The following COA1 variants were observed in gnomAD, a reference collection of about 807,000 sequenced individuals.
COA1 encodes cytochrome c oxidase assembly factor 1 homolog.
COA1 carries 13 observed loss-of-function variants against 16.0 expected under a neutral mutation model. That is an observed-to-expected ratio of 0.81 (90% CI 0.53 to 1.29). COA1 has a LOEUF of 1.29. Ranked by LOEUF, COA1 falls within the 50% of genes most tolerant of loss-of-function variation. The pLI, the probability that COA1 is intolerant of heterozygous loss-of-function variation, is 0.00. For synonymous variants in COA1, 65 were observed against 65.7 expected, an observed-to-expected ratio of 0.99 and a Z score of 0.05; for missense variants, 179 against 177.0, an observed-to-expected ratio of 1.01 and a Z score of -0.06.
At chr7:43,641,297 C>G (rs1357544294) in intron 4 of COA1, 2 of 105,098 alleles carry the variant, frequency 1.9e-5, no homozygotes, top group South Asian at 6.6e-4. Context: ...GTGCCTTTCA[C>G]AGAATGTAAA....
rs779129137 is a variant in COA1 at position 43,624,615 on chromosome 7, G to C, written c.*133+14834C>G. On this transcript the variant is annotated intron_variant and NMD_transcript_variant, in intron 6 of 6. Coordinates refer to the COA1 transcript ENST00000415076. ...CAGGATGGAAAAGGCACTAGAAGAAGCAAATGCCCTCCAAGAAGGTCATTC... is the reference window on the plus strand; with the variant it reads ...CAGGATGGAAAAGGCACTAGAAGAACCAAATGCCCTCCAAGAAGGTCATTC... The C allele has an allele frequency of 2.5e-6, 4 of 1,613,984 alleles. No individual in the cohort carries two copies. The African/African-American group carries it at 5.3e-5, about 22-fold the overall frequency.
chr7:43,686,350 A>C (rs1188999944), intron 1 of COA1, among the ~76,000 whole-genome samples: 1 of 131,622 alleles, frequency 7.6e-6, no homozygotes, highest in Non-Finnish European at 1.5e-5. Flanking sequence ...TCTGTCGCCC[A>C]GGCGGGAGTG....
intron 6 of COA1, chr7:43,632,533 G>A (rs1486100341): frequency 6.6e-6 from 1 of 152,182 alleles, no homozygotes; most frequent in African/African-American, 2.4e-5. Context: ...AGAACCATCA[G>A]AGAAACCACA....
At position 43,696,899 on chromosome 7, in the gene COA1, C is replaced by T. The variant is rs537839265; in HGVS notation, c.-39+32530G>A. On this transcript the variant is annotated intron_variant, in intron 1 of 5. Transcript: ENST00000223336. The stretch of plus-strand genomic sequence containing the variant: ...CAGCACTTTGGGAAGCCAAGGCAGG[C>T]GGATCACAAGGTCAAGAGATCAAGA... 2.6e-5 allele frequency among the ~76,000 whole-genome samples: 4 copies of T among 151,916 alleles called. No homozygotes were observed. In the South Asian group the frequency reaches 6.2e-4, roughly 24 times the overall value.
intron 1 of COA1, among the ~76,000 whole-genome samples, chr7:43,664,128 A>AGAGAGAGAGAGAGAGAGAGAGT (rs963621045): frequency 6.8e-6 from 1 of 147,934 alleles, no homozygotes; most frequent in Non-Finnish European, 1.5e-5. Context: ...AGAGAGAGAG[A>AGAGAGAGAGAGAGAGAGAGAGT]GAGTCTTGCT....
intron 6 of COA1, among the ~76,000 whole-genome samples, chr7:43,611,785 T>G (rs2082903306): frequency 6.6e-6 from 1 of 152,244 alleles, no homozygotes; most frequent in Admixed American, 6.5e-5. Flanking sequence ...TCTGTTTTAT[T>G]TTTTAATGAT....
At chr7:43,705,296 G>A (rs13222617) in intron 1 of COA1, among the ~76,000 whole-genome samples, 22,213 of 152,248 alleles carry the variant, frequency 0.15, 2,185 homozygotes, top group Non-Finnish European at 0.21. Flanking sequence ...AGAGTGGCAC[G>A]GGGAAGCTGT....
chr7:43,640,479 C>T, intron 5 of COA1, 94 bp downstream of exon 5: 2 of 913,904 alleles, frequency 2.2e-6, no homozygotes, highest in South Asian at 1.5e-5. Flanking sequence ...CCTATGCCCA[C>T]AGTAATTTAA....
intron 1 of COA1, among the ~76,000 whole-genome samples, chr7:43,717,506 C>G (rs2095418954): frequency 6.6e-6 from 1 of 152,200 alleles, no homozygotes; most frequent in South Asian, 2.1e-4. Flanking sequence ...TAAACCCATT[C>G]TATCTAGGGA....
At position 43,699,240 on chromosome 7, in the gene COA1, A is replaced by G. The variant is rs183953716; in HGVS notation, c.-39+30189T>C. ...CAGAAAAAAAACACATATACCCCTC[A>G]GTTAGTGAATTTTACAGAGAGCACA... On this transcript the variant is annotated intron_variant, in intron 1 of 5. Coordinates refer to ENST00000223336, the MANE Select transcript of COA1 (RefSeq NM_018224.4). Among the ~76,000 whole-genome samples, 448 of 152,228 alleles carry G rather than the reference A, an allele frequency of 2.9e-3. 1 individual carries two copies. Among genetic ancestry groups the G allele is most frequent in the African/African-American group, 0.01 (429 of 41,538 alleles).
intron 1 of COA1, among the ~76,000 whole-genome samples, chr7:43,709,023 T>C (rs2095109778): frequency 6.7e-6 from 1 of 150,036 alleles, no homozygotes; most frequent in Non-Finnish European, 1.5e-5. Context: ...TTATCTCCTA[T>C]AATCTTTTTT....
At chr7:43,707,545 GGTAACTA>G (rs1309449743) in intron 1 of COA1, among the ~76,000 whole-genome samples, 2 of 152,014 alleles carry the variant, frequency 1.3e-5, no homozygotes, top group Non-Finnish European at 1.5e-5. Flanking sequence ...CCTCTCCAAA[GGTAACTA>G]TCATCTTGAC....
At chr7:43,638,766 G>C (rs953662465), downstream of COA1, 4 of 151,926 alleles carry the variant, frequency 2.6e-5, no homozygotes, top group Admixed American at 2.6e-4. Flanking sequence ...CAGTAGAGAC[G>C]AGGTTTCACC....
intron 4 of COA1, chr7:43,641,070 CTGT>C (rs1433580861): frequency 2.0e-5 from 3 of 152,958 alleles, no homozygotes; most frequent in African/African-American, 7.2e-5. Context: ...TCCTGGAAAC[CTGT>C]TGTTATTTTG....
chr7:43,715,843 G>A (rs991096277), intron 1 of COA1, among the ~76,000 whole-genome samples: 9 of 152,162 alleles, frequency 5.9e-5, no homozygotes, highest in African/African-American at 2.2e-4. Context: ...ATTCCCACGT[G>A]TTGTGGGAGG....
At chr7:43,644,763 C>T (rs202164585) in intron 4 of COA1, among the ~76,000 whole-genome samples, 8,444 of 78,324 alleles carry the variant, frequency 0.11, 371 homozygotes, top group African/African-American at 0.13. Flanking sequence ...GATAGATAGG[C>T]AGGCAGGCAG....
chr7:43,642,286 TAGA>T (rs1487686111), intron 4 of COA1: 1 of 152,182 alleles, frequency 6.6e-6, no homozygotes. Flanking sequence ...CCATCTCTAC[TAGA>T]AATACAAACA....
intron 1 of COA1, among the ~76,000 whole-genome samples, chr7:43,681,534 T>C (rs1349897348): frequency 6.6e-6 from 1 of 152,230 alleles, no homozygotes; most frequent in African/African-American, 2.4e-5. Context: ...ATTTCTTTCA[T>C]AGTCCCCATG....
At chr7:43,623,526 AT>A in intron 6 of COA1, 1 of 1,557,916 alleles carries the variant, frequency 6.4e-7, no homozygotes, top group Non-Finnish European at 8.8e-7. Flanking sequence ...CAAATTAGGA[AT>A]TTTTTTCCAC....
Sources: allele counts gnomAD v4.1 joint callset (sites outside exome capture counted in the v4.1 genomes callset), GRCh38; gene constraint gnomAD v4.1.1; transcripts MANE v1.5; gene names NCBI Gene and HGNC (gene_info 2026-07-23, HGNC 2026-07-21).